Variants in CADM1 observed in about 807,000 individuals in gnomAD.
CADM1 encodes the protein cell adhesion molecule 1.
CADM1 carries 15 observed loss-of-function variants against 53.1 expected under a neutral mutation model. The ratio of observed to expected loss-of-function variants is 0.28; its 90% CI spans 0.19 to 0.44. The LOEUF (loss-of-function observed/expected upper bound fraction) is 0.44, where lower values mean the gene tolerates loss of function less well. Among genes scored for constraint, CADM1 ranks in the 20% least tolerant of loss-of-function variants. The pLI is 1.00. For missense variants in CADM1, 434 were observed against 611.3 expected (o/e 0.71, Z 3.06); for synonymous variants, 281 against 243.0 (o/e 1.16, Z -1.45).
At chr11:115,407,873 T>TAAAAAAAA (rs148209064) in intron 1 of CADM1, among the ~76,000 whole-genome samples, 4 of 31,746 alleles carry the variant, frequency 1.3e-4, no homozygotes, top group Non-Finnish European at 1.5e-4. Context: ...CCCTGTCATT[T>TAAAAAAAA]AAAAAAAAAA....
intron 1 of CADM1, among the ~76,000 whole-genome samples, chr11:115,268,560 G>A (rs1237899948): frequency 2.0e-5 from 3 of 152,180 alleles, no homozygotes; most frequent in African/African-American, 4.8e-5. Context: ...CTTGAAGCAG[G>A]GAAAGGACCC....
At chr11:115,365,912 C>T (rs1379614898) in intron 1 of CADM1, among the ~76,000 whole-genome samples, 1 of 152,078 alleles carries the variant, frequency 6.6e-6, no homozygotes, top group African/African-American at 2.4e-5. Context: ...CCCAAGTGTC[C>T]CACACGGTCA....
chr11:115,354,051 A>G (rs1425183081), intron 1 of CADM1, among the ~76,000 whole-genome samples: 2 of 152,210 alleles, frequency 1.3e-5, no homozygotes, highest in Non-Finnish European at 2.9e-5. Context: ...ATTAATAAAC[A>G]TTTAATCTGG....
chr11:115,223,954 C>A, intron 5 of CADM1, among the ~76,000 whole-genome samples: 1 of 65,802 alleles, frequency 1.5e-5, no homozygotes, highest in East Asian at 5.4e-4. Context: ...GAGCGTATTC[C>A]GTTTAAAAAA....
At chr11:115,313,863 C>T (rs1423648690) in intron 1 of CADM1, among the ~76,000 whole-genome samples, 2 of 152,150 alleles carry the variant, frequency 1.3e-5, no homozygotes, top group African/African-American at 4.8e-5. Context: ...CTGCCATTAA[C>T]TTAGGTCACT....
chr11:115,178,574 A>C, intron 11 of CADM1, 70 bp downstream of exon 11: 1 of 1,538,916 alleles, frequency 6.5e-7, no homozygotes, highest in Admixed American at 1.7e-5. Context: ...TATCAAGGAC[A>C]ACCTTGTAAA....
intron 1 of CADM1, among the ~76,000 whole-genome samples, chr11:115,404,341 AAAAAAATATATATATATATATAT>A (rs1320800747): frequency 4.7e-5 from 2 of 42,468 alleles, no homozygotes; most frequent in Admixed American, 4.7e-4. Flanking sequence ...AAAAAAAAAA[AAAAAAATATATATATATATATAT>A]ATATATATAT....
chr11:115,404,590 T>C (rs1189667537), intron 1 of CADM1, among the ~76,000 whole-genome samples: 1 of 148,684 alleles, frequency 6.7e-6, no homozygotes, highest in Non-Finnish European at 1.5e-5. Context: ...AAAAGTTTTA[T>C]AAAACAAAAA....
chr11:115,447,543 C>A (rs1275446214), intron 1 of CADM1, among the ~76,000 whole-genome samples: 1 of 152,150 alleles, frequency 6.6e-6, no homozygotes, highest in Non-Finnish European at 1.5e-5. Flanking sequence ...CAAGGTTAAT[C>A]TTTATCAGTA....
chr11:115,338,808 C>T (rs1359545383), intron 1 of CADM1, among the ~76,000 whole-genome samples: 2 of 151,514 alleles, frequency 1.3e-5, no homozygotes, highest in Non-Finnish European at 2.9e-5. Flanking sequence ...ACTGCAAGTG[C>T]TATATGCTTT....
At position 115,464,332 on chromosome 11, in the gene CADM1, C is replaced by G. The variant is rs935070899; in HGVS notation, c.124+39939G>C. Among the ~76,000 whole-genome samples the G allele has an allele frequency of 2.6e-5, 4 of 152,176 alleles. No individual in the cohort carries two copies. The South Asian group carries it at 8.3e-4, about 31-fold the overall frequency. On this transcript the variant is annotated intron_variant, in intron 1 of 11. Coordinates refer to ENST00000331581, the MANE Select transcript of CADM1 (RefSeq NM_001301043.2). ...TGGATTGCTTGTTTCTTTCCTTCTA[C>G]TGACAGGTCCTGAATCTTTATGGAG...
At chr11:115,290,499 AC>A (rs1440057613) in intron 1 of CADM1, among the ~76,000 whole-genome samples, 1 of 152,098 alleles carries the variant, frequency 6.6e-6, no homozygotes, top group Non-Finnish European at 1.5e-5. Flanking sequence ...GGAAATTAAA[AC>A]CTGTACACAG....
intron 1 of CADM1, among the ~76,000 whole-genome samples, chr11:115,274,152 C>T (rs747681272): frequency 2.0e-5 from 3 of 152,224 alleles, no homozygotes; most frequent in Non-Finnish European, 4.4e-5. Context: ...ATTTCAATTG[C>T]TTATTCAACC....
At chr11:115,275,603 G>A (rs1943423198) in intron 1 of CADM1, among the ~76,000 whole-genome samples, 1 of 152,104 alleles carries the variant, frequency 6.6e-6, no homozygotes, top group Non-Finnish European at 1.5e-5. Context: ...TTCTACTCTT[G>A]TATTTTGCAA....
intron 10 of CADM1, 84 bp downstream of exon 10, chr11:115,190,804 C>A (rs768596984): frequency 5.0e-6 from 6 of 1,190,866 alleles, no homozygotes; most frequent in Admixed American, 2.1e-5. Flanking sequence ...GATTGCTCAG[C>A]AAACCAAATG....
intron 1 of CADM1, among the ~76,000 whole-genome samples, chr11:115,275,985 C>T (rs1269013356): frequency 6.6e-6 from 1 of 152,040 alleles, no homozygotes; most frequent in Non-Finnish European, 1.5e-5. Context: ...TAGTTATTAC[C>T]ATTACTTGTA....
At chr11:115,279,468 C>G (rs982671698) in intron 1 of CADM1, among the ~76,000 whole-genome samples, 1 of 152,180 alleles carries the variant, frequency 6.6e-6, no homozygotes, top group Admixed American at 6.5e-5. Flanking sequence ...GCTATAATTG[C>G]TTTTCTTTTC....
chr11:115,397,278 A>G (rs951852780), intron 1 of CADM1: 10 of 152,108 alleles, frequency 6.6e-5, no homozygotes, highest in Non-Finnish European at 1.0e-4. Flanking sequence ...GAAGATTGGT[A>G]ACTAATGGGT....
intron 10 of CADM1, among the ~76,000 whole-genome samples, chr11:115,185,724 T>A (rs1278186652): frequency 3.3e-5 from 5 of 152,212 alleles, no homozygotes; most frequent in African/African-American, 7.2e-5. Flanking sequence ...TGTGATCATC[T>A]TTTCCATTTT....
Sources: gnomAD v4.1 joint callset for allele counts (sites outside exome capture counted in the v4.1 genomes callset) on GRCh38, gnomAD v4.1.1 for gene constraint, MANE v1.5 for transcripts, NCBI Gene and HGNC (gene_info 2026-07-23, HGNC 2026-07-21) for gene names.